Variants in SMG6 observed in about 807,000 individuals in gnomAD.
SMG6 encodes telomerase-binding protein EST1A.
In SMG6, 66 loss-of-function variants were observed where a neutral mutation model predicts 142.2. The observed-to-expected ratio is 0.46, with a 90% CI of 0.38 to 0.57. SMG6 has a LOEUF of 0.57. Ranked by LOEUF, SMG6 falls within the 20% of genes least tolerant of loss-of-function variation. The pLI is 0.00. For missense variants in SMG6, 1,793 were observed against 1,832.0 expected, an observed-to-expected ratio of 0.98 and a Z score of 0.39; for synonymous variants, 779 against 702.4, an observed-to-expected ratio of 1.11 and a Z score of -1.72.
At chr17:2,215,218 C>A (rs1340425307) in intron 10 of SMG6, among the ~76,000 whole-genome samples, 1 of 151,372 alleles carries the variant, frequency 6.6e-6, no homozygotes, top group Non-Finnish European at 1.5e-5. Flanking sequence ...TATAAACACA[C>A]ACACACGCGC....
Position 2,283,491 on chromosome 17 carries a change from G to C in SMG6, c.2448+134C>G, listed in dbSNP as rs973919908. ...ATGAGTCATTCCCCGAGGACACACA[G>C]ACACTGAGCAATAACTGCACCTTGG... On this transcript the variant is annotated intron_variant, in intron 7 of 18. Coordinates refer to ENST00000263073, the MANE Select transcript of SMG6 (RefSeq NM_017575.5). The C allele has an allele frequency of 8.4e-6, 6 of 712,390 alleles. No individual in the cohort carries two copies. The African/African-American group carries it at 8.7e-5, about 10-fold the overall frequency. The allele number at this position is 712,390 out of a possible 1,614,324, so 44.1% of individuals were successfully genotyped here. A position where few individuals can be genotyped will look rare whatever the true frequency, so the allele number is the denominator to read the frequency against.
chr17:2,139,083 T>C (rs1365666603), intron 13 of SMG6, among the ~76,000 whole-genome samples: 1 of 152,166 alleles, frequency 6.6e-6, no homozygotes, highest in Admixed American at 6.5e-5. Context: ...GTTTCAAGCA[T>C]AAGAGGACGA....
intron 13 of SMG6, among the ~76,000 whole-genome samples, chr17:2,168,572 T>G (rs2071410016): frequency 6.6e-6 from 1 of 152,180 alleles, no homozygotes. Context: ...CTTATCATCA[T>G]TCTTTTCTCT....
chr17:2,121,841 T>C (rs1254964236), intron 13 of SMG6, among the ~76,000 whole-genome samples: 1 of 152,018 alleles, frequency 6.6e-6, no homozygotes, highest in African/African-American at 2.4e-5. Flanking sequence ...GGTCTTTTCT[T>C]TTCTTTTCTT....
At chr17:2,169,935 T>C (rs1002889734) in intron 13 of SMG6, among the ~76,000 whole-genome samples, 2 of 152,124 alleles carry the variant, frequency 1.3e-5, no homozygotes, top group African/African-American at 2.4e-5. Context: ...CAGAATTGTA[T>C]CTGTGTGTGT....
At chr17:2,098,142 C>T (rs1404913773) in intron 13 of SMG6, among the ~76,000 whole-genome samples, 2 of 152,098 alleles carry the variant, frequency 1.3e-5, no homozygotes, top group East Asian at 1.9e-4. Flanking sequence ...GCACGTGCCA[C>T]CACACCTGGC....
At chr17:2,185,828 G>T (rs1597550641) in intron 12 of SMG6, among the ~76,000 whole-genome samples, 1 of 152,254 alleles carries the variant, frequency 6.6e-6, no homozygotes, top group South Asian at 2.1e-4. Flanking sequence ...GACAGGGCAT[G>T]AGTGAATGGA....
chr17:2,136,191 A>G (rs2070297453), intron 13 of SMG6, among the ~76,000 whole-genome samples: 1 of 151,726 alleles, frequency 6.6e-6, no homozygotes, highest in Admixed American at 6.6e-5. Flanking sequence ...TTTCCTGAGT[A>G]GCTGGGATTA....
chr17:2,269,334 TG>T lies in SMG6; in HGVS notation c.2661+13312del, dbSNP rs1361093336. On this transcript the variant is annotated intron_variant, in intron 8 of 18. Transcript: ENST00000263073. ...TGAACCTGGGAGGCGAAGGTTGCAA[TG>T]AGCCGAGATCGTGCCGCTGCACTCC... 7.3e-5 allele frequency among the ~76,000 whole-genome samples: 11 copies of T among 150,858 alleles called. No homozygotes were observed. The East Asian group carries it at 2.1e-3, about 29-fold the overall frequency.
At chr17:2,087,268 G>C in intron 13 of SMG6, 3 of 1,282,254 alleles carry the variant, frequency 2.3e-6, no homozygotes, top group Admixed American at 4.7e-5. Context: ...GTACCACAGA[G>C]AGCAGATGAA....
chr17:2,088,845 G>A (rs984330333), intron 13 of SMG6: 2 of 985,244 alleles, frequency 2.0e-6, no homozygotes, highest in African/African-American at 1.7e-5. Context: ...AACTTGGGGG[G>A]AATAAGCCCA....
intron 6 of SMG6, 55 bp from the exon 7 acceptor site, chr17:2,283,790 A>G (rs1204057473): frequency 7.1e-7 from 1 of 1,400,552 alleles, no homozygotes; most frequent in Non-Finnish European, 1.0e-6. Flanking sequence ...TAACTCCAGC[A>G]AGAGGCAGCT....
chr17:2,109,242 A>G (rs2069240740), intron 13 of SMG6, among the ~76,000 whole-genome samples: 1 of 152,166 alleles, frequency 6.6e-6, no homozygotes, highest in South Asian at 2.1e-4. Flanking sequence ...AAAGAGACCA[A>G]AAAGCTGCTG....
chr17:2,266,283 G>T, intron 8 of SMG6: 1 of 565,822 alleles, frequency 1.8e-6, no homozygotes, highest in Non-Finnish European at 2.2e-6. Flanking sequence ...CACGCGAACA[G>T]GATATGCTGG....
At chr17:2,209,835 A>C (rs1441010850) in intron 10 of SMG6, among the ~76,000 whole-genome samples, 1 of 152,184 alleles carries the variant, frequency 6.6e-6, no homozygotes, top group Non-Finnish European at 1.5e-5. Flanking sequence ...ATGTATACAA[A>C]AGTGACACAA....
chr17:2,257,623 C>T (rs898387368), intron 8 of SMG6, among the ~76,000 whole-genome samples: 3 of 152,108 alleles, frequency 2.0e-5, no homozygotes, highest in Non-Finnish European at 4.4e-5. Context: ...TATAATCTTA[C>T]TCCACTACCT....
At chr17:2,289,444 C>T (rs774252755) in intron 6 of SMG6, among the ~76,000 whole-genome samples, 4 of 151,898 alleles carry the variant, frequency 2.6e-5, no homozygotes, top group African/African-American at 4.8e-5. Context: ...GTAGTCCCAG[C>T]TAATCAGGAG....
intron 10 of SMG6, among the ~76,000 whole-genome samples, chr17:2,205,388 A>G (rs1373052758): frequency 6.6e-6 from 1 of 152,168 alleles, no homozygotes; most frequent in African/African-American, 2.4e-5. Flanking sequence ...CCTGGCCTGT[A>G]TCTAATTTTA....
intron 13 of SMG6, among the ~76,000 whole-genome samples, chr17:2,151,586 C>A (rs1487051415): frequency 6.6e-6 from 1 of 152,176 alleles, no homozygotes; most frequent in Non-Finnish European, 1.5e-5. Context: ...TGTTAGTGAT[C>A]CATGTCACAT....
Sources: gnomAD v4.1 joint callset for allele counts (sites outside exome capture counted in the v4.1 genomes callset) on GRCh38, gnomAD v4.1.1 for gene constraint, MANE v1.5 for transcripts, NCBI Gene and HGNC (gene_info 2026-07-23, HGNC 2026-07-21) for gene names.